The following DACH2 variants were observed in gnomAD, a reference collection of about 807,000 sequenced individuals.
DACH2 encodes dachshund family transcription factor 2, also known as dachshund homolog 2.
DACH2 carries 17 observed loss-of-function variants against 35.8 expected under a neutral mutation model. That is an observed-to-expected ratio of 0.48 (90% CI 0.33 to 0.71). DACH2 has a LOEUF of 0.71. DACH2 is among the 30% of genes least tolerant of loss of function. The pLI, the probability that DACH2 is intolerant of heterozygous loss-of-function variation, is 0.02. For synonymous variants in DACH2, 195 were observed against 177.3 expected, an observed-to-expected ratio of 1.10 and a Z score of -0.79; for missense variants, 469 against 472.7, an observed-to-expected ratio of 0.99 and a Z score of 0.07.
intron 2 of DACH2, among the ~76,000 whole-genome samples, chrX:86,422,388 T>C (rs1217199075): frequency 9.0e-6 from 1 of 111,175 alleles, no homozygotes; most frequent in Non-Finnish European, 1.9e-5. Flanking sequence ...CTAGAGGAAG[T>C]TGACAGTTGA....
At chrX:86,332,800 G>C (rs1251594678) in intron 1 of DACH2, among the ~76,000 whole-genome samples, 1 of 111,734 alleles carries the variant, frequency 8.9e-6, no homozygotes, top group Non-Finnish European at 1.9e-5. Flanking sequence ...TCAAGTTAGA[G>C]AATTCCAGTG....
intron 3 of DACH2, among the ~76,000 whole-genome samples, chrX:86,603,454 T>A (rs1391492427): frequency 9.1e-6 from 1 of 109,983 alleles, no homozygotes; most frequent in Non-Finnish European, 1.9e-5. Flanking sequence ...TCCCCAAAAG[T>A]GTTCATCCAT....
At chrX:86,550,009 T>C (rs2039027163) in intron 3 of DACH2, among the ~76,000 whole-genome samples, 1 of 111,606 alleles carries the variant, frequency 9.0e-6, no homozygotes, top group South Asian at 3.7e-4. Flanking sequence ...TTTTCTTGGC[T>C]CATAAATGTG....
intron 3 of DACH2, among the ~76,000 whole-genome samples, chrX:86,626,335 C>T (rs1048621604): frequency 1.8e-5 from 2 of 112,736 alleles, no homozygotes; most frequent in African/African-American, 6.4e-5. Flanking sequence ...TGGGCAGCTC[C>T]ACCCCTGTGG....
chrX:86,205,470 TTCCC>T (rs2032275329), intron 1 of DACH2, among the ~76,000 whole-genome samples: 1 of 29,791 alleles, frequency 3.4e-5, no homozygotes, highest in African/African-American at 2.2e-4. Context: ...CCCTCCCTCC[TTCCC>T]TCCTTCCCTC....
chrX:86,272,321 C>A (rs1330332161), intron 1 of DACH2, among the ~76,000 whole-genome samples: 3 of 109,545 alleles, frequency 2.7e-5, no homozygotes, highest in African/African-American at 1.0e-4. Context: ...ACTATTTTAA[C>A]AGAGGGAATT....
intron 7 of DACH2, among the ~76,000 whole-genome samples, chrX:86,755,458 A>G (rs1351620347): frequency 9.0e-6 from 1 of 110,839 alleles, no homozygotes; most frequent in East Asian, 2.8e-4. Flanking sequence ...GTTTTTTATC[A>G]TGTGTGCTTT....
At chrX:86,584,942 G>A (rs1056653321) in intron 3 of DACH2, among the ~76,000 whole-genome samples, 3 of 110,778 alleles carry the variant, frequency 2.7e-5, no homozygotes, top group Admixed American at 9.7e-5. Context: ...CATTTAGAAG[G>A]CCTCCACCTG....
At chrX:86,607,851 T>A (rs2039880210) in intron 3 of DACH2, among the ~76,000 whole-genome samples, 1 of 105,045 alleles carries the variant, frequency 9.5e-6, no homozygotes, top group Non-Finnish European at 1.9e-5. Flanking sequence ...AGTGTTTGGT[T>A]TTTTGTTCTT....
chrX:86,305,005 G>T, intron 1 of DACH2: 1 of 147,593 alleles, frequency 6.8e-6, no homozygotes. Context: ...TCGAGGCCAT[G>T]GAGGCTGAAG....
intron 1 of DACH2, among the ~76,000 whole-genome samples, chrX:86,289,152 G>T (rs1385589207): frequency 1.8e-5 from 2 of 109,022 alleles, no homozygotes; most frequent in African/African-American, 3.3e-5. Context: ...TTCCCTTATG[G>T]CCCAGGATGG....
chrX:86,180,664 C>T (rs781544755), intron 1 of DACH2, among the ~76,000 whole-genome samples: 19 of 111,355 alleles, frequency 1.7e-4, no homozygotes, highest in Non-Finnish European at 3.6e-4. Context: ...TGAAGTGTGG[C>T]AGACGCTTAC....
At chrX:86,528,636 G>A (rs1238468980) in intron 3 of DACH2, among the ~76,000 whole-genome samples, 3 of 111,943 alleles carry the variant, frequency 2.7e-5, no homozygotes, top group African/African-American at 9.7e-5. Context: ...CAGTATTAAA[G>A]TGAAATTGAA....
intron 6 of DACH2, among the ~76,000 whole-genome samples, chrX:86,728,546 C>G (rs780956654): frequency 8.9e-6 from 1 of 112,701 alleles, no homozygotes; most frequent in Admixed American, 9.3e-5. Flanking sequence ...ACAAAGACCT[C>G]AAAGGTATTT....
chrX:86,592,473 CT>C (rs1357626190), intron 3 of DACH2, among the ~76,000 whole-genome samples: 1 of 111,727 alleles, frequency 9.0e-6, no homozygotes, highest in Non-Finnish European at 1.9e-5. Context: ...TCTGACTTTG[CT>C]TTTTTCTTTC....
chrX:86,588,144 AT>A (rs1402806419), intron 3 of DACH2, among the ~76,000 whole-genome samples: 12 of 110,734 alleles, frequency 1.1e-4, no homozygotes, highest in Admixed American at 1.1e-3. Context: ...CCTGTTGTTT[AT>A]TTTTGTTGAC....
At position 86,720,286 on chromosome X, in the gene DACH2, T is replaced by C. The variant is rs761003029; in HGVS notation, c.1104+5566T>C. ...CCCGGCATTAACCCAAAAGTCCAAGTCCGAAGTTTTATCTGAGAAGGGACT... is the reference window on the plus strand; with the variant it reads ...CCCGGCATTAACCCAAAAGTCCAAGCCCGAAGTTTTATCTGAGAAGGGACT... On this transcript the variant is annotated intron_variant, in intron 6 of 11. Coordinates refer to ENST00000373125, the MANE Select transcript of DACH2 (RefSeq NM_053281.3). Among the ~76,000 whole-genome samples the C allele has an allele frequency of 7.2e-5, 8 of 110,503 alleles. No homozygotes were observed. In the East Asian group the frequency reaches 2.3e-3, roughly 32 times the overall value.
chrX:86,503,009 C>T (rs1465522335), intron 2 of DACH2, among the ~76,000 whole-genome samples: 1 of 111,908 alleles, frequency 8.9e-6, no homozygotes, highest in African/African-American at 3.2e-5. Flanking sequence ...TTTTCTAAAA[C>T]AGTAATTATA....
intron 1 of DACH2, among the ~76,000 whole-genome samples, chrX:86,174,088 A>G (rs1439791396): frequency 9.5e-6 from 1 of 104,951 alleles, no homozygotes; most frequent in Non-Finnish European, 1.9e-5. Flanking sequence ...GAGGTAGAGT[A>G]GGTCAGGTGG....
Sources: allele counts gnomAD v4.1 joint callset (sites outside exome capture counted in the v4.1 genomes callset), GRCh38; gene constraint gnomAD v4.1.1; transcripts MANE v1.5; gene names NCBI Gene and HGNC (gene_info 2026-07-23, HGNC 2026-07-21).